Variants in ITPK1 observed in about 807,000 individuals in gnomAD.
ITPK1 encodes inositol 1,3,4-trisphosphate 5/6-kinase.
A neutral mutation model predicts 45.3 loss-of-function variants in ITPK1; 21 were observed. That is an observed-to-expected ratio of 0.46 (90% confidence interval 0.33 to 0.67). ITPK1 has a LOEUF of 0.67. Among genes scored for constraint, ITPK1 ranks in the 30% least tolerant of loss-of-function variants. ITPK1 has a pLI of 0.02. For synonymous variants in ITPK1, 258 were observed against 253.6 expected (o/e 1.02, Z -0.16); for missense variants, 474 against 573.5 (o/e 0.83, Z 1.77).
At chr14:93,004,963 G>A (rs957337739) in intron 4 of ITPK1, among the ~76,000 whole-genome samples, 2 of 152,090 alleles carry the variant, frequency 1.3e-5, no homozygotes, top group Non-Finnish European at 2.9e-5. Context: ...TGGCAGGGCT[G>A]GGGCGGACGG....
In ITPK1 at chr14:92,958,358, G is replaced by A. The variant is rs369065508; in HGVS notation, c.513C>T (p.Ile171=). 13 of 1,613,964 alleles carry A rather than the reference G, an allele frequency of 8.1e-6. No homozygotes were observed. The highest frequency in any genetic ancestry group is 1.3e-5 in the African/African-American group (1 of 74,906). Reference sequence around the variant, plus strand: ...CGTTCAGGCCCTCCTGGTTGAACACGATAGCCATCTGGGAAGACAAGGGGT... The same window carrying A: ...CGTTCAGGCCCTCCTGGTTGAACACAATAGCCATCTGGGAAGACAAGGGGT... ...AHGTNSHEMA[I]VFNQEGLNAI... Residue 171 remains isoleucine (I), a synonymous_variant, in exon 8 of 11, where the codon ATC becomes ATT. Coordinates refer to ENST00000267615, the MANE Select transcript of ITPK1 (RefSeq NM_014216.6). The surrounding 1 kb of genome is among the most constrained non-coding windows in gnomAD (Gnocchi z 4.4).
intron 2 of ITPK1, among the ~76,000 whole-genome samples, chr14:93,084,589 T>C (rs1353549986): frequency 6.6e-6 from 1 of 152,162 alleles, no homozygotes; most frequent in Non-Finnish European, 1.5e-5. Flanking sequence ...TACTTGTCAC[T>C]GCAGCCTAAC....
At chr14:92,972,960 C>T (rs991721365) in intron 5 of ITPK1, among the ~76,000 whole-genome samples, 1 of 152,194 alleles carries the variant, frequency 6.6e-6, no homozygotes, top group Admixed American at 6.5e-5. Context: ...ACTGTCCCCA[C>T]TATATCTCTG....
rs555261769 is a variant in ITPK1 at position 92,960,793 on chromosome 14, C to T, written c.504+1562G>A. The stretch of plus-strand genomic sequence containing the variant: ...GAGGGGGGCCTGGGGACCAACGCTG[C>T]TGCTCTCGAGCCTTCCTGCTCCCTC... On this transcript the variant is annotated intron_variant, in intron 7 of 10. Coordinates refer to ENST00000267615, the MANE Select transcript of ITPK1 (RefSeq NM_014216.6). 6.8e-4 allele frequency among the ~76,000 whole-genome samples: 103 copies of T among 152,386 alleles called. No individual in the cohort carries two copies. In the Middle Eastern group the frequency reaches 0.014, roughly 20 times the overall value.
intron 10 of ITPK1, among the ~76,000 whole-genome samples, chr14:92,945,115 A>G (rs1242932031): frequency 1.3e-5 from 2 of 152,194 alleles, no homozygotes; most frequent in African/African-American, 4.8e-5. Context: ...CCTCCTCCAG[A>G]CAGGGGTGAG....
chr14:93,070,469 G>A (rs1432035532), intron 3 of ITPK1: 2 of 152,300 alleles, frequency 1.3e-5, no homozygotes, highest in African/African-American at 4.8e-5. Flanking sequence ...AGACGACCAA[G>A]GCTCCTGTGT....
At chr14:92,975,064 G>A (rs149803556) in intron 5 of ITPK1, among the ~76,000 whole-genome samples, 161 of 152,306 alleles carry the variant, frequency 1.1e-3, no homozygotes, top group African/African-American at 3.8e-3. Context: ...TGTTGCGAGG[G>A]GGCAAGGGAG....
Position 93,076,765 on chromosome 14 carries a change from G to T in ITPK1, c.96-146C>A. 1 of 867,934 alleles carries T rather than the reference G, an allele frequency of 1.2e-6. No individual in the cohort carries two copies. Among genetic ancestry groups the T allele is most frequent in the Non-Finnish European group, 1.9e-6 (1 of 533,806 alleles). The allele number at this position is 867,934 out of a possible 1,614,324, so 53.8% of individuals were successfully genotyped here. ...CTGCGCCTCTCCTGCTACTGTCCCA[G>T]AACAGCCATGCCTTCCACTCCCAGC... On this transcript the variant is annotated intron_variant, in intron 2 of 10. Coordinates refer to ENST00000267615, the MANE Select transcript of ITPK1 (RefSeq NM_014216.6). This position sits in a 1 kb window ranked among gnomAD's most constrained non-coding sequence, Gnocchi z 4.3.
intron 3 of ITPK1, among the ~76,000 whole-genome samples, chr14:93,060,933 G>C (rs1890492034): frequency 6.6e-6 from 1 of 152,210 alleles, no homozygotes; most frequent in African/African-American, 2.4e-5. Flanking sequence ...CCAAGGCAGA[G>C]GGGGACACAG....
At chr14:92,991,955 C>G (rs1178435654) in intron 5 of ITPK1, among the ~76,000 whole-genome samples, 1 of 152,148 alleles carries the variant, frequency 6.6e-6, no homozygotes. Flanking sequence ...GACCCCTGAC[C>G]CCGTGGCTGA....
intron 2 of ITPK1, among the ~76,000 whole-genome samples, chr14:93,098,444 G>A (rs1445780438): frequency 6.3e-5 from 9 of 143,740 alleles, no homozygotes; most frequent in East Asian, 3.9e-4. Flanking sequence ...GCGACAGAGC[G>A]AGATTCCGTC....
intron 5 of ITPK1, among the ~76,000 whole-genome samples, chr14:92,984,270 AG>A (rs1566715587): frequency 6.6e-6 from 1 of 152,204 alleles, no homozygotes; most frequent in Non-Finnish European, 1.5e-5. Flanking sequence ...GCCGGAAGTG[AG>A]GGCGGCCAGA....
chr14:92,940,880 A>G lies in ITPK1; in HGVS notation c.*681T>C, dbSNP rs895995220. The G allele has an allele frequency of 6.2e-6, 8 of 1,288,554 alleles. No homozygotes were observed. In the African/African-American group the frequency reaches 9.1e-5, roughly 15 times the overall value. 79.8% of individuals were successfully genotyped at this position (1,288,554 alleles called of 1,614,324 possible). A position where few individuals can be genotyped will look rare whatever the true frequency, so the allele number is the denominator to read the frequency against. ...GAAGGAGACCGCTGTGCAGGGCTAAATGGGACGTGTGTTGGGGGGCCCAGA... is the reference window on the plus strand; with the variant it reads ...GAAGGAGACCGCTGTGCAGGGCTAAGTGGGACGTGTGTTGGGGGGCCCAGA... On this transcript the variant is annotated 3_prime_UTR_variant, in exon 11 of 11. Coordinates refer to ENST00000267615, the MANE Select transcript of ITPK1 (RefSeq NM_014216.6).
chr14:92,944,291 C>T (rs1273471657), intron 10 of ITPK1, among the ~76,000 whole-genome samples: 1 of 152,126 alleles, frequency 6.6e-6, no homozygotes, highest in Admixed American at 6.5e-5. Context: ...ACACACTGAG[C>T]TATCTCCCGG....
chr14:92,960,059 C>A (rs1020822024), intron 7 of ITPK1, among the ~76,000 whole-genome samples: 1 of 152,236 alleles, frequency 6.6e-6, no homozygotes, highest in African/African-American at 2.4e-5. Context: ...ACAGTGTCCA[C>A]CCCAGAGGGC....
At chr14:93,052,286 A>G (rs1389142504) in intron 3 of ITPK1, among the ~76,000 whole-genome samples, 2 of 152,188 alleles carry the variant, frequency 1.3e-5, no homozygotes, top group African/African-American at 2.4e-5. Flanking sequence ...AACCACTCCC[A>G]AATGTTAGCT....
chr14:92,971,179 C>T (rs1167366865), intron 5 of ITPK1, among the ~76,000 whole-genome samples: 1 of 152,208 alleles, frequency 6.6e-6, no homozygotes, highest in African/African-American at 2.4e-5. Flanking sequence ...AATGAAGCAT[C>T]CACCTCCCCC....
chr14:92,952,196 T>C (rs933382523), intron 8 of ITPK1, among the ~76,000 whole-genome samples, 183 bp from the exon 9 acceptor site: 1 of 152,176 alleles, frequency 6.6e-6, no homozygotes, highest in Non-Finnish European at 1.5e-5. Context: ...CCATCAGGGC[T>C]CCGGTTCACC....
intron 3 of ITPK1, among the ~76,000 whole-genome samples, chr14:93,033,417 A>T (rs1000096331): frequency 1.3e-5 from 2 of 152,162 alleles, no homozygotes; most frequent in Non-Finnish European, 2.9e-5. Context: ...AAGCCCCACA[A>T]CAGCCAATGC....
Sources: gnomAD v4.1 joint callset for allele counts (sites outside exome capture counted in the v4.1 genomes callset) on GRCh38, gnomAD v4.1.1 for gene constraint, Gnocchi (gnomAD v3.1) non-coding constraint, MANE v1.5 for transcripts, NCBI Gene and HGNC (gene_info 2026-07-23, HGNC 2026-07-21) for gene names.